Variants in CNTN4 observed in about 807,000 individuals in gnomAD.
CNTN4 encodes the protein contactin 4.
A neutral mutation model predicts 122.5 loss-of-function variants in CNTN4; 77 were observed. The observed-to-expected ratio is 0.63, with a 90% confidence interval of 0.52 to 0.76. The LOEUF (loss-of-function observed/expected upper bound fraction) is 0.76. Among genes scored for constraint, CNTN4 ranks in the 30% least tolerant of loss-of-function variants. The pLI is 0.00. For missense variants in CNTN4, 1,256 were observed against 1,259.1 expected (o/e 1.00, Z 0.04); for synonymous variants, 512 against 447.0 (o/e 1.15, Z -1.83).
intron 4 of CNTN4, among the ~76,000 whole-genome samples, chr3:2,700,621 C>T (rs2086300354): frequency 6.7e-6 from 1 of 149,138 alleles, no homozygotes; most frequent in Admixed American, 6.8e-5. Context: ...TCATCTGATT[C>T]ACTGAGATAG....
intron 4 of CNTN4, among the ~76,000 whole-genome samples, chr3:2,702,271 A>G (rs2086398681): frequency 6.6e-6 from 1 of 152,246 alleles, no homozygotes; most frequent in East Asian, 1.9e-4. Context: ...AAAGGAAACC[A>G]GAGTGGATGA....
At chr3:2,581,848 A>G (rs1576087218) in intron 4 of CNTN4, among the ~76,000 whole-genome samples, 1 of 152,372 alleles carries the variant, frequency 6.6e-6, no homozygotes, top group African/African-American at 2.4e-5. Context: ...ATACTACAAC[A>G]TGGACAAACT....
chr3:2,316,792 C>T (rs553357604), intron 2 of CNTN4, among the ~76,000 whole-genome samples: 1 of 152,120 alleles, frequency 6.6e-6, no homozygotes, highest in Non-Finnish European at 1.5e-5. Flanking sequence ...CTGTGGTTCT[C>T]GCCTTAGTAA....
At chr3:2,221,564 A>T (rs886366330) in intron 2 of CNTN4, among the ~76,000 whole-genome samples, 1 of 75,366 alleles carries the variant, frequency 1.3e-5, no homozygotes, top group Non-Finnish European at 3.1e-5. Context: ...TATCAAAATT[A>T]AAAAAAATTT....
At chr3:2,155,854 C>G (rs2035696025) in intron 2 of CNTN4, among the ~76,000 whole-genome samples, 2 of 152,240 alleles carry the variant, frequency 1.3e-5, no homozygotes. Context: ...GAATAGATGT[C>G]ATTTCCTCAG....
At chr3:2,927,345 C>T in intron 13 of CNTN4, 1 of 455,676 alleles carries the variant, frequency 2.2e-6, no homozygotes, top group Non-Finnish European at 4.4e-6. Flanking sequence ...TAAGGCCAGC[C>T]TGGTGGACCA....
intron 6 of CNTN4, among the ~76,000 whole-genome samples, chr3:2,812,580 GTT>G (rs1039229704): frequency 6.7e-6 from 1 of 149,812 alleles, no homozygotes. Flanking sequence ...TTGTTTTTTT[GTT>G]TTTTTGCCAC....
intron 2 of CNTN4, among the ~76,000 whole-genome samples, chr3:2,279,215 G>C (rs1363218993): frequency 6.6e-6 from 1 of 152,128 alleles, no homozygotes. Flanking sequence ...TTGATAATGA[G>C]GGGCTGGATA....
intron 8 of CNTN4, among the ~76,000 whole-genome samples, chr3:2,873,434 T>C (rs537595340): frequency 1.3e-5 from 2 of 152,354 alleles, no homozygotes; most frequent in South Asian, 4.1e-4. Flanking sequence ...GTGCGCCATT[T>C]TGTGAGCCTT....
chr3:2,396,297 T>G (rs2150929388), intron 3 of CNTN4, among the ~76,000 whole-genome samples: 1 of 152,250 alleles, frequency 6.6e-6, no homozygotes, highest in South Asian at 2.1e-4. Context: ...AGTGCTGGGA[T>G]TACAGGCATG....
At chr3:2,863,844 T>C (rs1050139535) in intron 7 of CNTN4, among the ~76,000 whole-genome samples, 2 of 152,206 alleles carry the variant, frequency 1.3e-5, no homozygotes, top group Non-Finnish European at 2.9e-5. Context: ...CCAGTACTTC[T>C]CAAAGTAATT....
chr3:2,410,799 C>T (rs540138590), intron 3 of CNTN4, among the ~76,000 whole-genome samples: 1 of 152,306 alleles, frequency 6.6e-6, no homozygotes, highest in African/African-American at 2.4e-5. Context: ...GGATAAATTA[C>T]CTCTTTCTAG....
intron 13 of CNTN4, among the ~76,000 whole-genome samples, chr3:2,983,570 A>G (rs9838190): frequency 0.089 from 13,474 of 152,204 alleles, 1,724 homozygotes; most frequent in African/African-American, 0.28. Flanking sequence ...TGTATTTTAC[A>G]TGTCAGGCAT....
At chr3:2,631,748 G>A (rs184328025) in intron 4 of CNTN4, among the ~76,000 whole-genome samples, 1 of 151,188 alleles carries the variant, frequency 6.6e-6, no homozygotes, top group Non-Finnish European at 1.5e-5. Context: ...ATCATTTCTG[G>A]CCAGGCATGA....
chr3:2,623,081 A>G (rs2082050820), intron 4 of CNTN4, among the ~76,000 whole-genome samples: 1 of 152,232 alleles, frequency 6.6e-6, no homozygotes, highest in Admixed American at 6.5e-5. Context: ...CTCTCACCTT[A>G]ATAAATGCTG....
intron 4 of CNTN4, among the ~76,000 whole-genome samples, chr3:2,612,564 G>A (rs2081545446): frequency 6.6e-6 from 1 of 152,070 alleles, no homozygotes; most frequent in Non-Finnish European, 1.5e-5. Context: ...GTTTCACAAG[G>A]TAAAGGCCAT....
rs2046533668 is a variant in CNTN4 at position 2,393,830 on chromosome 3, T to A, written c.-89+54597T>A. Among the ~76,000 whole-genome samples the A allele has an allele frequency of 2.0e-5, 3 of 151,898 alleles. 1 individual carries two copies. The South Asian group carries it at 6.2e-4, about 32-fold the overall frequency. ...ATGACCAGTATGAACTGAGATAACC[T>A]TTAGACAGGGTAGTAGGAATCACTA... On this transcript the variant is annotated intron_variant, in intron 3 of 24. Coordinates refer to ENST00000418658, the MANE Select transcript of CNTN4 (RefSeq NM_175607.3).
chr3:2,543,353 A>T (rs889168537), intron 3 of CNTN4, among the ~76,000 whole-genome samples: 1 of 152,162 alleles, frequency 6.6e-6, no homozygotes, highest in African/African-American at 2.4e-5. Context: ...AAACCATTTA[A>T]TAAACAAATA....
At position 2,385,891 on chromosome 3, in the gene CNTN4, A is replaced by C. The variant is rs1022918590; in HGVS notation, c.-89+46658A>C. Among the ~76,000 whole-genome samples, 5 of 152,040 alleles carry C rather than the reference A, an allele frequency of 3.3e-5. No individual in the cohort carries two copies. Among genetic ancestry groups the C allele is most frequent in the Admixed American group, 2.6e-4 (4 of 15,240 alleles). On this transcript the variant is annotated intron_variant, in intron 3 of 24. Transcript: ENST00000418658. This position sits in a 1 kb window ranked among gnomAD's most constrained non-coding sequence, Gnocchi z 4.0. Reference sequence around the variant, plus strand: ...TTAGCGACACAATTCAACCCATAACAATGTTCCATCAATATTTGATAAATG... The same window carrying C: ...TTAGCGACACAATTCAACCCATAACCATGTTCCATCAATATTTGATAAATG...
Sources: gnomAD v4.1 joint callset for allele counts (sites outside exome capture counted in the v4.1 genomes callset) on GRCh38, gnomAD v4.1.1 for gene constraint, Gnocchi (gnomAD v3.1) non-coding constraint, MANE v1.5 for transcripts, NCBI Gene and HGNC (gene_info 2026-07-23, HGNC 2026-07-21) for gene names.